The following DLG2 variants were observed in gnomAD, a reference collection of about 807,000 sequenced individuals.
DLG2 encodes the protein disks large homolog 2.
Under a neutral mutation model 132.5 loss-of-function variants are expected in DLG2, and 45 were observed. That is an observed-to-expected ratio of 0.34 (90% CI 0.27 to 0.44). The LOEUF (loss-of-function observed/expected upper bound fraction) is 0.44. DLG2 is among the 20% of genes least tolerant of loss of function. DLG2 has a pLI of 1.00. For synonymous variants in DLG2, 424 were observed against 419.6 expected, an observed-to-expected ratio of 1.01 and a Z score of -0.13; for missense variants, 1,045 against 1,196.9, an observed-to-expected ratio of 0.87 and a Z score of 1.87.
chr11:85,498,307 C>T (rs1401693869), intron 3 of DLG2, among the ~76,000 whole-genome samples: 3 of 152,030 alleles, frequency 2.0e-5, no homozygotes, highest in Non-Finnish European at 4.4e-5. Flanking sequence ...AGACTTTAAA[C>T]GAACAAAGAT....
chr11:83,508,946 G>A (rs1218655314), intron 21 of DLG2, among the ~76,000 whole-genome samples: 3 of 152,246 alleles, frequency 2.0e-5, no homozygotes, highest in Non-Finnish European at 4.4e-5. Context: ...GGAAGAATTG[G>A]TTAATAGCTG....
At chr11:84,005,829 T>C (rs2154055039) in intron 11 of DLG2, among the ~76,000 whole-genome samples, 1 of 151,928 alleles carries the variant, frequency 6.6e-6, no homozygotes, top group East Asian at 1.9e-4. Flanking sequence ...TAACGGACGC[T>C]GACAAGGACA....
chr11:83,858,189 T>C (rs1039705401), intron 16 of DLG2, among the ~76,000 whole-genome samples: 7 of 152,180 alleles, frequency 4.6e-5, no homozygotes, highest in African/African-American at 1.4e-4. Flanking sequence ...AACTCAGGAC[T>C]CTTCCCAAGC....
rs181188448 is a variant in DLG2, at chr11:84,748,919, C to T, written c.358-214188G>A. Among the ~76,000 whole-genome samples the T allele has an allele frequency of 3.4e-3, 515 of 152,248 alleles. 2 individuals are homozygous for T. Among genetic ancestry groups the T allele is most frequent in the Non-Finnish European group, 6.0e-3 (410 of 68,026 alleles). On this transcript the variant is annotated intron_variant, in intron 6 of 27. Coordinates refer to ENST00000376104, the MANE Select transcript of DLG2 (RefSeq NM_001142699.3). ...GTGTTATGGCTCACGCCTATAATCG[C>T]AGCACTTTGGAAGGCCAAGGAGAGA... is the stretch of plus-strand genomic sequence containing the variant.
In DLG2 at chr11:84,071,716, T is replaced by C. The variant is rs190572274; in HGVS notation, c.750-12232A>G. On this transcript the variant is annotated intron_variant, in intron 10 of 27. Coordinates refer to ENST00000376104, the MANE Select transcript of DLG2 (RefSeq NM_001142699.3). ...ATATAAGCCTGAATGTTTTATCCCATATTTAATGGTCCTCAATTGCTCTCC... is the reference window on the plus strand; with the variant it reads ...ATATAAGCCTGAATGTTTTATCCCACATTTAATGGTCCTCAATTGCTCTCC... 2.8e-4 allele frequency among the ~76,000 whole-genome samples: 42 copies of C among 152,328 alleles called. No homozygotes were observed. In the East Asian group the frequency reaches 7.9e-3, roughly 29 times the overall value.
chr11:85,119,952 C>G (rs1224154272), intron 5 of DLG2, among the ~76,000 whole-genome samples: 1 of 151,922 alleles, frequency 6.6e-6, no homozygotes, highest in Non-Finnish European at 1.5e-5. Flanking sequence ...AAAAGTTGAG[C>G]TTTTGATAAG....
At chr11:84,265,311 G>A (rs1270595296) in intron 7 of DLG2, among the ~76,000 whole-genome samples, 16 of 145,960 alleles carry the variant, frequency 1.1e-4, no homozygotes, top group African/African-American at 3.9e-4. Context: ...TGTGTTAAGA[G>A]TTCAATTCAC....
intron 19 of DLG2, among the ~76,000 whole-genome samples, chr11:83,578,042 T>TTGTG (rs201528737): frequency 0.44 from 57,723 of 131,824 alleles, 13,156 homozygotes; most frequent in Admixed American, 0.53. Flanking sequence ...GGGGTTTATT[T>TTGTG]TGTGTGTGTG....
chr11:84,875,019 CAA>C lies in DLG2; in HGVS notation c.357+236640_357+236641del, dbSNP rs563276131. On this transcript the variant is annotated intron_variant, in intron 6 of 27. Transcript: ENST00000376104. Reference sequence around the variant, plus strand: ...TGGGCAACAGACCAATACTTCATCTCAAAAAAAAAAAAAAAAAAAGAGAAAGA... The same window carrying C: ...TGGGCAACAGACCAATACTTCATCTCAAAAAAAAAAAAAAAAAGAGAAAGA... 4.8e-3 allele frequency among the ~76,000 whole-genome samples: 289 copies of C among 59,850 alleles called. 3 individuals carry two copies. The highest frequency in any genetic ancestry group is 0.014 in the African/African-American group (260 of 19,136). 39.3% of individuals were successfully genotyped at this position (59,850 alleles called of 152,430 possible). A position where few individuals can be genotyped will look rare whatever the true frequency, so the allele number is the denominator to read the frequency against.
At chr11:84,102,286 C>T (rs534358392) in intron 9 of DLG2, among the ~76,000 whole-genome samples, 3 of 152,204 alleles carry the variant, frequency 2.0e-5, no homozygotes, top group Non-Finnish European at 2.9e-5. Flanking sequence ...AAGGCAGGAA[C>T]TGTGTAGTAT....
Position 84,319,547 on chromosome 11 carries a change from G to C in DLG2, c.520-68256C>G, listed in dbSNP as rs569275562. 8.5e-5 allele frequency among the ~76,000 whole-genome samples: 13 copies of C among 152,294 alleles called. 1 individual carries two copies. In the South Asian group the frequency reaches 2.5e-3, roughly 29 times the overall value. ...TAAGAATCAATCTACATAGACATAA[G>C]TCAGTGTGCATCCATCACAACTTTG... is the stretch of plus-strand genomic sequence containing the variant. On this transcript the variant is annotated intron_variant, in intron 7 of 27. Transcript: ENST00000376104.
intron 15 of DLG2, among the ~76,000 whole-genome samples, 195 bp downstream of exon 15, chr11:83,930,133 A>C (rs553730094): frequency 6.6e-6 from 1 of 152,292 alleles, no homozygotes; most frequent in East Asian, 1.9e-4. Context: ...CTCTGTGATC[A>C]CTCCAGGGAA....
At chr11:84,917,614 A>ATT (rs2092547978) in intron 6 of DLG2, among the ~76,000 whole-genome samples, 1 of 152,140 alleles carries the variant, frequency 6.6e-6, no homozygotes, top group African/African-American at 2.4e-5. Flanking sequence ...ATACATTCAA[A>ATT]CTTGTTGATG....
chr11:85,082,246 C>T (rs1010715867), intron 6 of DLG2, among the ~76,000 whole-genome samples: 5 of 152,152 alleles, frequency 3.3e-5, no homozygotes, highest in Non-Finnish European at 7.3e-5. Flanking sequence ...GAGGAAAATA[C>T]TGCTTTTTTT....
At chr11:84,451,802 A>G (rs2099052351) in intron 7 of DLG2, among the ~76,000 whole-genome samples, 1 of 151,824 alleles carries the variant, frequency 6.6e-6, no homozygotes, top group African/African-American at 2.4e-5. Context: ...GAGAAAAATA[A>G]AGCAGATAAA....
chr11:83,927,322 T>C (rs1476799211), intron 15 of DLG2, among the ~76,000 whole-genome samples: 8 of 152,174 alleles, frequency 5.3e-5, no homozygotes, highest in African/African-American at 1.4e-4. Flanking sequence ...TAAATAAATG[T>C]ACAATTATAA....
chr11:84,962,905 T>C (rs192470686), intron 6 of DLG2, among the ~76,000 whole-genome samples: 134 of 152,318 alleles, frequency 8.8e-4, no homozygotes, highest in African/African-American at 3.1e-3. Context: ...GTAAAAATAA[T>C]GTATTTCAAC....
intron 14 of DLG2, among the ~76,000 whole-genome samples, chr11:83,946,699 C>T (rs1205284347): frequency 1.3e-5 from 2 of 152,024 alleles, no homozygotes; most frequent in African/African-American, 4.8e-5. Flanking sequence ...CAAGGGAAGA[C>T]AAAAAATTGT....
chr11:85,000,179 T>C (rs1264275737), intron 6 of DLG2, among the ~76,000 whole-genome samples: 1 of 152,058 alleles, frequency 6.6e-6, no homozygotes, highest in African/African-American at 2.4e-5. Flanking sequence ...AGGTAAAGAG[T>C]GTGTGCTCAT....
Sources: gnomAD v4.1 joint callset for allele counts (sites outside exome capture counted in the v4.1 genomes callset) on GRCh38, gnomAD v4.1.1 for gene constraint, MANE v1.5 for transcripts, NCBI Gene and HGNC (gene_info 2026-07-23, HGNC 2026-07-21) for gene names.